Variants in BMERB1 observed in about 807,000 individuals in gnomAD.
BMERB1 encodes the protein bMERB domain containing 1, also known as bMERB domain-containing protein 1.
Under a neutral mutation model 23.6 loss-of-function variants are expected in BMERB1, and 12 were observed. That is an observed-to-expected ratio of 0.51 (90% CI 0.33 to 0.82). The LOEUF is 0.82. Among genes scored for constraint, BMERB1 ranks in the 40% least tolerant of loss-of-function variants. The pLI, the probability that BMERB1 is intolerant of heterozygous loss-of-function variation, is 0.03. For synonymous variants in BMERB1, 122 were observed against 96.6 expected (o/e 1.26, Z -1.54); for missense variants, 247 against 255.4 (o/e 0.97, Z 0.22).
chr16:15,583,904 T>G, intron 5 of BMERB1: 1 of 667,534 alleles, frequency 1.5e-6, no homozygotes, highest in Non-Finnish European at 2.7e-6. Flanking sequence ...GCAAACTACG[T>G]ACCTGGTCCT....
At chr16:15,458,824 A>G (rs1439905381) in intron 1 of BMERB1, among the ~76,000 whole-genome samples, 1 of 149,698 alleles carries the variant, frequency 6.7e-6, no homozygotes, top group East Asian at 2.0e-4. Context: ...AACACAAACA[A>G]AGCCAGGTGC....
At chr16:15,444,678 A>G (rs1014841266) in intron 1 of BMERB1, among the ~76,000 whole-genome samples, 1 of 152,152 alleles carries the variant, frequency 6.6e-6, no homozygotes, top group African/African-American at 2.4e-5. Context: ...TCATAGTATG[A>G]GTACATGGTG....
At chr16:15,558,950 A>C (rs2030344800) in intron 2 of BMERB1, among the ~76,000 whole-genome samples, 1 of 150,640 alleles carries the variant, frequency 6.6e-6, no homozygotes, top group South Asian at 2.1e-4. Flanking sequence ...AGTTTCTCTT[A>C]AGGGCTTTCT....
intron 1 of BMERB1, among the ~76,000 whole-genome samples, chr16:15,490,327 A>G (rs372527597): frequency 1.4e-4 from 21 of 152,260 alleles, no homozygotes; most frequent in African/African-American, 4.1e-4. Context: ...CTGTCACTCA[A>G]AATAGAGTGC....
At chr16:15,440,124 A>G (rs1470986170) in intron 1 of BMERB1, among the ~76,000 whole-genome samples, 3 of 151,820 alleles carry the variant, frequency 2.0e-5, no homozygotes, top group Non-Finnish European at 4.4e-5. Flanking sequence ...GGGCGCCTAT[A>G]GTCCCAGCTA....
At chr16:15,447,950 C>A (rs764243047) in intron 1 of BMERB1, 1 of 454,936 alleles carries the variant, frequency 2.2e-6, no homozygotes, top group Non-Finnish European at 4.4e-6. Flanking sequence ...AGTGCAGTGG[C>A]GTGATCACGG....
chr16:15,451,205 G>A (rs575577119), intron 1 of BMERB1, among the ~76,000 whole-genome samples: 1 of 152,268 alleles, frequency 6.6e-6, no homozygotes, highest in South Asian at 2.1e-4. Context: ...TTCTGAGACA[G>A]AGTCTCCCTC....
chr16:15,519,074 T>TACACACACACACACACACACAC (rs145892599), intron 2 of BMERB1, among the ~76,000 whole-genome samples: 4 of 140,510 alleles, frequency 2.8e-5, no homozygotes, highest in African/African-American at 8.5e-5. Context: ...ACAATCCTCT[T>TACACACACACACACACACACAC]ACACACACAC....
chr16:15,530,760 A>G (rs2098608580), intron 2 of BMERB1, among the ~76,000 whole-genome samples: 1 of 152,140 alleles, frequency 6.6e-6, no homozygotes, highest in Non-Finnish European at 1.5e-5. Context: ...TGATGGTTTT[A>G]TAAGCATCTG....
At chr16:15,443,745 C>G (rs2050961391) in intron 1 of BMERB1, among the ~76,000 whole-genome samples, 1 of 152,016 alleles carries the variant, frequency 6.6e-6, no homozygotes, top group Admixed American at 6.6e-5. Context: ...TGGTGAAACC[C>G]TGTCTTTACT....
intron 2 of BMERB1, among the ~76,000 whole-genome samples, chr16:15,532,707 G>T (rs1410002736): frequency 1.3e-5 from 2 of 151,438 alleles, no homozygotes; most frequent in African/African-American, 4.9e-5. Flanking sequence ...CACCATGCCC[G>T]GCTAATTTTT....
rs1292399931 is a variant in BMERB1 at position 15,546,913 on chromosome 16, T to G, written c.231-21070T>G. 2.6e-5 allele frequency among the ~76,000 whole-genome samples: 4 copies of G among 152,284 alleles called. No homozygotes were observed. The East Asian group carries it at 7.7e-4, about 29-fold the overall frequency. On this transcript the variant is annotated intron_variant, in intron 2 of 5. Coordinates refer to ENST00000300006, the MANE Select transcript of BMERB1 (RefSeq NM_033201.3). The stretch of plus-strand genomic sequence containing the variant: ...ACGTGTCCTGTTAAGAATTGCCTCG[T>G]TATCTCGTCATGTTTCAAGGCCCAG...
chr16:15,513,327 A>G (rs2051697025), intron 1 of BMERB1, among the ~76,000 whole-genome samples: 1 of 152,134 alleles, frequency 6.6e-6, no homozygotes, highest in South Asian at 2.1e-4. Context: ...TGGATTGCTT[A>G]AGTGCTTCGT....
intron 2 of BMERB1, among the ~76,000 whole-genome samples, chr16:15,521,594 G>C (rs1285269797): frequency 6.6e-6 from 1 of 152,164 alleles, no homozygotes; most frequent in East Asian, 1.9e-4. Context: ...CAGCAGGCAG[G>C]TGTGAACTCT....
chr16:15,526,123 T>C (rs1216265600), intron 2 of BMERB1, among the ~76,000 whole-genome samples: 2 of 152,190 alleles, frequency 1.3e-5, no homozygotes, highest in East Asian at 1.9e-4. Context: ...GGCTACCCTA[T>C]TGGAAAGCAT....
chr16:15,481,354 G>A (rs372129755), intron 1 of BMERB1, among the ~76,000 whole-genome samples: 48 of 152,078 alleles, frequency 3.2e-4, no homozygotes, highest in Non-Finnish European at 5.7e-4. Flanking sequence ...GTGAAACCCC[G>A]TCTCTGCTAA....
chr16:15,514,001 A>T (rs970848779), intron 1 of BMERB1, among the ~76,000 whole-genome samples: 1 of 152,190 alleles, frequency 6.6e-6, no homozygotes, highest in African/African-American at 2.4e-5. Context: ...ATCCGTATGT[A>T]TGCTCACGCT....
intron 5 of BMERB1, chr16:15,584,087 T>C (rs1021981471): frequency 2.9e-6 from 2 of 701,652 alleles, no homozygotes; most frequent in African/African-American, 3.5e-5. Flanking sequence ...GAGGGTTTTA[T>C]ATGAAATAAG....
intron 2 of BMERB1, among the ~76,000 whole-genome samples, chr16:15,551,748 G>C (rs1314737179): frequency 1.3e-5 from 2 of 152,188 alleles, no homozygotes; most frequent in Non-Finnish European, 2.9e-5. Context: ...AGTTCTGCAT[G>C]GCTGGGGAGG....
Sources: gnomAD v4.1 joint callset for allele counts (sites outside exome capture counted in the v4.1 genomes callset) on GRCh38, gnomAD v4.1.1 for gene constraint, MANE v1.5 for transcripts, NCBI Gene and HGNC (gene_info 2026-07-23, HGNC 2026-07-21) for gene names.